The following ASNS variants were observed in gnomAD, a reference collection of about 807,000 sequenced individuals.
ASNS encodes the protein asparagine synthetase (glutamine-hydrolyzing).
Under a neutral mutation model 62.6 loss-of-function variants are expected in ASNS, and 37 were observed. That is an observed-to-expected ratio of 0.59 (90% CI 0.45 to 0.78). The LOEUF (loss-of-function observed/expected upper bound fraction) is 0.78. Ranked by LOEUF, ASNS falls within the 30% of genes least tolerant of loss-of-function variation. ASNS has a pLI of 0.00. For synonymous variants in ASNS, 207 were observed against 237.9 expected (o/e 0.87, Z 1.19); for missense variants, 520 against 682.4 (o/e 0.76, Z 2.65).
At chr7:97,925,965 GC>G in the ASNS span, among the ~76,000 whole-genome samples, 1 of 152,058 alleles carries the variant, frequency 6.6e-6, no homozygotes. Flanking sequence ...GGTTTTCTAG[GC>G]GTCTTAATGG....
chr7:97,854,446 C>T, intron 10 of ASNS, 134 bp downstream of exon 10: 1 of 1,086,208 alleles, frequency 9.2e-7, no homozygotes, highest in East Asian at 2.5e-5. Context: ...CACTTTGTAA[C>T]ATATAGCCAA....
Position 97,858,398 on chromosome 7 carries a change from C to T in ASNS, c.783G>A (p.Leu261=). The part of the protein sequence containing the change: ...RRIGCLLSGG[L]DSSLVAATLL... ...GAGTGGCAGCAACCAAGCTGGAGTC[C>T]AAGCCCCCTACATGCAAAAGAGGAA... Residue 261 remains leucine (L), a synonymous_variant, in exon 7 of 13, where the codon TTG becomes TTA. Coordinates refer to ENST00000394308, the MANE Select transcript of ASNS (RefSeq NM_001673.5). The T allele has an allele frequency of 6.2e-7, 1 of 1,614,074 alleles. No individual in the cohort carries two copies. Among genetic ancestry groups the T allele is most frequent in the Non-Finnish European group, 8.5e-7 (1 of 1,179,992 alleles).
intron 1 of ASNS, among the ~76,000 whole-genome samples, chr7:97,870,670 T>C (rs1792211976): frequency 6.6e-6 from 1 of 152,222 alleles, no homozygotes; most frequent in African/African-American, 2.4e-5. Context: ...TTCCATAAGA[T>C]TTAAATGAGA....
chr7:97,864,411 T>C lies in ASNS; in HGVS notation c.335A>G (p.Gln112Arg). Residue 112 changes from glutamine to arginine, a missense_variant, in exon 4 of 13, where the codon CAA becomes CGA. Transcript: ENST00000394308. ...CACACCATCCAACATACAAATTGTT[T>C]GCTCAATTCCTCCTTTGTCATAAAG... Reference protein sequence around the residue: ...LHLYDKGGIEQTICMLDGVFA... With the variant: ...LHLYDKGGIERTICMLDGVFA... 1.2e-6 allele frequency: 2 copies of C among 1,614,006 alleles called. No homozygotes were observed. Among genetic ancestry groups the C allele is most frequent in the Non-Finnish European group, 1.7e-6 (2 of 1,179,928 alleles).
chr7:97,910,884 G>C, the ASNS span, among the ~76,000 whole-genome samples: 2 of 152,168 alleles, frequency 1.3e-5, no homozygotes, highest in African/African-American at 4.8e-5. Context: ...ACAGATGTGA[G>C]CCACCACGCC....
chr7:97,922,101 A>C, the ASNS span, among the ~76,000 whole-genome samples: 44 of 152,350 alleles, frequency 2.9e-4, no homozygotes, highest in African/African-American at 1.1e-3. Flanking sequence ...ATGGTGGCTC[A>C]TGCCTGTAAT....
chr7:97,891,450 C>A, the ASNS span, among the ~76,000 whole-genome samples: 2 of 129,846 alleles, frequency 1.5e-5, no homozygotes, highest in Admixed American at 1.5e-4. Context: ...CCAACAGTCC[C>A]CCAAAGTCTT....
the ASNS span, chr7:97,885,821 A>C: frequency 3.4e-6 from 1 of 290,760 alleles, no homozygotes; most frequent in Non-Finnish European, 6.6e-6. Context: ...TTTTATATTA[A>C]GTCTTCACAA....
At position 97,852,157 on chromosome 7, in the gene ASNS, A is replaced by AC. The variant is rs1791207197; in HGVS notation, c.*101dup. ...GATTTAGGACTTTTATTTTTTTCAC[A>AC]CCCAAGTTAGCCTGAGTTGACTCTC... is the stretch of plus-strand genomic sequence containing the variant. On this transcript the variant is annotated 3_prime_UTR_variant, in exon 13 of 13. Transcript: ENST00000394308. The AC allele has an allele frequency of 7.5e-7, 1 of 1,326,198 alleles. No individual in the cohort carries two copies. Among genetic ancestry groups the AC allele is most frequent in the African/African-American group, 1.5e-5 (1 of 67,680 alleles). 82.2% of individuals were successfully genotyped at this position (1,326,198 alleles called of 1,614,324 possible).
rs1210340204 is a variant in ASNS at position 97,854,632 on chromosome 7, C to G, written c.1186G>C (p.Glu396Gln). The G allele has an allele frequency of 6.2e-7, 1 of 1,613,978 alleles. No individual in the cohort carries two copies. The highest frequency in any genetic ancestry group is 8.5e-7 in the Non-Finnish European group (1 of 1,180,024). The change falls in exon 10 of 13, where the codon GAA (glutamate) becomes CAA (glutamine). Residue 396 changes from glutamate (E) to glutamine (Q), a missense_variant. Coordinates refer to ENST00000394308, the MANE Select transcript of ASNS (RefSeq NM_001673.5). ...AEEESERLLRELYLFDVLRAD... is the reference protein window; with the variant it reads ...AEEESERLLRQLYLFDVLRAD... Reference sequence around the variant, plus strand: ...CGGAGAACATCAAACAAATAGAGTTCCCTCAGAAGCCTCTCACTCTCCTCC... The same window carrying G: ...CGGAGAACATCAAACAAATAGAGTTGCCTCAGAAGCCTCTCACTCTCCTCC...
chr7:97,901,772 G>A, the ASNS span, among the ~76,000 whole-genome samples: 2 of 151,790 alleles, frequency 1.3e-5, no homozygotes, highest in Admixed American at 6.6e-5. Context: ...GAGGCCAGGA[G>A]TTTGAGACCA....
At chr7:97,923,748 G>A in the ASNS span, among the ~76,000 whole-genome samples, 1 of 152,164 alleles carries the variant, frequency 6.6e-6, no homozygotes, top group Non-Finnish European at 1.5e-5. Flanking sequence ...GTCCTTGCCT[G>A]ACACTGTCAG....
chr7:97,882,925 A>C, the ASNS span, among the ~76,000 whole-genome samples: 1 of 152,218 alleles, frequency 6.6e-6, no homozygotes, highest in African/African-American at 2.4e-5. Context: ...GGGGGAAAAC[A>C]ACAGAGGCAC....
At chr7:97,900,187 C>A in the ASNS span, among the ~76,000 whole-genome samples, 1 of 151,686 alleles carries the variant, frequency 6.6e-6, no homozygotes, top group Non-Finnish European at 1.5e-5. Flanking sequence ...TGGTGAAACC[C>A]TGTCTGTACT....
At chr7:97,906,638 C>G in the ASNS span, 1 of 162,324 alleles carries the variant, frequency 6.2e-6, no homozygotes, top group South Asian at 1.7e-4. Context: ...TTGGGTCATC[C>G]TCTTCTCTAA....
the ASNS span, chr7:97,912,955 AAAG>A: frequency 1.3e-5 from 2 of 152,100 alleles, no homozygotes; most frequent in Non-Finnish European, 2.9e-5. Flanking sequence ...CATCACAGAC[AAAG>A]AAGAACACTT....
At chr7:97,920,925 G>A in the ASNS span, among the ~76,000 whole-genome samples, 5 of 152,180 alleles carry the variant, frequency 3.3e-5, no homozygotes, top group African/African-American at 7.2e-5. Context: ...GAGTGGCAGC[G>A]CCAAGACAGC....
the ASNS span, among the ~76,000 whole-genome samples, chr7:97,903,793 C>G: frequency 2.0e-5 from 3 of 152,214 alleles, no homozygotes; most frequent in African/African-American, 7.2e-5. Context: ...TTCTTACTGA[C>G]AGTTTGGAAT....
chr7:97,855,626 T>G (rs1376776081), intron 8 of ASNS, among the ~76,000 whole-genome samples, 167 bp from the exon 9 acceptor site: 1 of 152,244 alleles, frequency 6.6e-6, no homozygotes, highest in Non-Finnish European at 1.5e-5. Context: ...GCCATTTATA[T>G]GTACTTAATC....
Sources: allele counts gnomAD v4.1 joint callset (sites outside exome capture counted in the v4.1 genomes callset), GRCh38; gene constraint gnomAD v4.1.1; transcripts MANE v1.5; gene names NCBI Gene and HGNC (gene_info 2026-07-23, HGNC 2026-07-21).